Variants in USH2A observed in about 807,000 individuals in gnomAD.
The protein encoded by USH2A is Usher syndrome 2A (autosomal recessive, mild).
Under a neutral mutation model 538.9 loss-of-function variants are expected in USH2A, and 443 were observed. That is an observed-to-expected ratio of 0.82 (90% CI 0.76 to 0.89). The LOEUF is 0.89. USH2A is among the 40% of genes least tolerant of loss of function. The probability of loss-of-function intolerance (pLI) is 0.00; values close to 1 mark genes in which losing one functional copy is unlikely to be tolerated. For synonymous variants in USH2A, 2,413 were observed against 2,273.5 expected, an observed-to-expected ratio of 1.06 and a Z score of -1.75; for missense variants, 6,633 against 6,324.8, an observed-to-expected ratio of 1.05 and a Z score of -1.65.
chr1:215,813,601 G>A, intron 49 of USH2A, 135 bp downstream of exon 49: 1 of 987,562 alleles, frequency 1.0e-6, no homozygotes, highest in South Asian at 1.3e-5. Flanking sequence ...AATATTTAGA[G>A]CAGGCCATTG....
chr1:215,821,036 A>C (rs1237613658), intron 47 of USH2A, among the ~76,000 whole-genome samples: 1 of 151,882 alleles, frequency 6.6e-6, no homozygotes, highest in East Asian at 1.9e-4. Context: ...TGTGAACAGC[A>C]CTGCAATAAA....
intron 21 of USH2A, among the ~76,000 whole-genome samples, chr1:216,126,717 G>A (rs1410340306): frequency 2.0e-5 from 3 of 152,132 alleles, no homozygotes; most frequent in Non-Finnish European, 2.9e-5. Flanking sequence ...TAAAAGCCAC[G>A]TAACATTAAT....
Position 215,647,782 on chromosome 1 carries a change from ACTCT to A in USH2A, c.14583-56_14583-53del, listed in dbSNP as rs1558036644. On this transcript the variant is annotated intron_variant, in intron 66 of 71. Coordinates refer to ENST00000307340, the MANE Select transcript of USH2A (RefSeq NM_206933.4). ...CAAGACGGGTAATGGAATTAGTTTA[ACTCT>A]CTCTTTTAAAACCAGTTCTATTTTG... 4 of 1,595,454 alleles carry A rather than the reference ACTCT, an allele frequency of 2.5e-6. No homozygotes were observed. The Admixed American group carries it at 6.7e-5, about 27-fold the overall frequency.
At chr1:215,630,883 G>C (rs1032341648) in intron 70 of USH2A, among the ~76,000 whole-genome samples, 4 of 151,516 alleles carry the variant, frequency 2.6e-5, no homozygotes, top group Admixed American at 2.6e-4. Context: ...AAAAACCTTG[G>C]TGAGTGGAAA....
chr1:215,813,504 C>T (rs1018721130), intron 49 of USH2A, among the ~76,000 whole-genome samples: 4 of 152,164 alleles, frequency 2.6e-5, no homozygotes, highest in African/African-American at 9.7e-5. Flanking sequence ...TTATTTCTTT[C>T]TGTAGTAGAT....
intron 54 of USH2A, 145 bp from the exon 55 acceptor site, chr1:215,780,186 A>AT (rs967303192): frequency 7.2e-5 from 65 of 903,982 alleles, no homozygotes; most frequent in Non-Finnish European, 9.9e-5. Context: ...CTTTTTTTTC[A>AT]TTTTTTTCCC....
At chr1:216,107,844 C>T (rs972661077) in intron 21 of USH2A, among the ~76,000 whole-genome samples, 1 of 151,676 alleles carries the variant, frequency 6.6e-6, no homozygotes, top group Non-Finnish European at 1.5e-5. Context: ...TCATCATATG[C>T]ATTCTTAACA....
intron 4 of USH2A, among the ~76,000 whole-genome samples, chr1:216,332,773 T>C (rs1164086099): frequency 6.6e-6 from 1 of 152,100 alleles, no homozygotes; most frequent in African/African-American, 2.4e-5. Flanking sequence ...GAAACAGACT[T>C]CACAGAATTA....
rs2032523895 is a variant in USH2A at position 216,099,424 on chromosome 1, T to C, written c.4628-2211A>G. Among the ~76,000 whole-genome samples the C allele has an allele frequency of 2.6e-5, 4 of 152,154 alleles. No individual in the cohort carries two copies. The South Asian group carries it at 8.3e-4, about 32-fold the overall frequency. ...GTTCTCTCTCATCTCCCCTATTAAGTGCACTGAAATGATTGAGCCACCCAT... is the reference window on the plus strand; with the variant it reads ...GTTCTCTCTCATCTCCCCTATTAAGCGCACTGAAATGATTGAGCCACCCAT... On this transcript the variant is annotated intron_variant, in intron 21 of 71. Coordinates refer to ENST00000307340, the MANE Select transcript of USH2A (RefSeq NM_206933.4).
chr1:216,190,170 G>GT (rs1217860455), intron 20 of USH2A, 53 bp downstream of exon 20: 24 of 1,605,622 alleles, frequency 1.5e-5, no homozygotes, highest in East Asian at 6.7e-5. Context: ...AATATTATAA[G>GT]TTTTTTTTCT....
intron 35 of USH2A, among the ~76,000 whole-genome samples, chr1:215,986,422 CA>C (rs1667876641): frequency 6.7e-6 from 1 of 150,034 alleles, no homozygotes; most frequent in South Asian, 2.1e-4. Flanking sequence ...GCTGGGATTA[CA>C]GGGGTGAGCC....
chr1:216,373,128 C>A (rs1160256824), intron 3 of USH2A, among the ~76,000 whole-genome samples: 1 of 152,084 alleles, frequency 6.6e-6, no homozygotes, highest in African/African-American at 2.4e-5. Context: ...ATGAAACAAG[C>A]ACATTATGAT....
chr1:216,116,040 T>C lies in USH2A; in HGVS notation c.4628-18827A>G, dbSNP rs553788058. ...AAAATGTTAGTACTAATTGTAGTTATAAAAATATTTTTAATACAAATGAAT... is the reference window on the plus strand; with the variant it reads ...AAAATGTTAGTACTAATTGTAGTTACAAAAATATTTTTAATACAAATGAAT... On this transcript the variant is annotated intron_variant, in intron 21 of 71. Transcript: ENST00000307340. Among the ~76,000 whole-genome samples the C allele has an allele frequency of 4.0e-5, 6 of 151,790 alleles. No individual in the cohort carries two copies. In the South Asian group the frequency reaches 1.0e-3, roughly 26 times the overall value.
At chr1:216,077,464 A>T (rs181229191) in intron 27 of USH2A, among the ~76,000 whole-genome samples, 1 of 151,618 alleles carries the variant, frequency 6.6e-6, no homozygotes, top group Admixed American at 6.6e-5. Context: ...AATTGCATTG[A>T]TATTTTTTAC....
At chr1:216,152,979 G>A (rs2033869307) in intron 21 of USH2A, among the ~76,000 whole-genome samples, 1 of 152,148 alleles carries the variant, frequency 6.6e-6, no homozygotes, top group Non-Finnish European at 1.5e-5. Flanking sequence ...AAGAAAAGGA[G>A]CATCTGAACA....
chr1:216,078,561 T>C (rs1295274644), intron 26 of USH2A, among the ~76,000 whole-genome samples, 199 bp from the exon 27 acceptor site: 1 of 152,152 alleles, frequency 6.6e-6, no homozygotes, highest in African/African-American at 2.4e-5. Flanking sequence ...ACATGAAGAA[T>C]GTTGTATTGA....
intron 3 of USH2A, among the ~76,000 whole-genome samples, chr1:216,415,063 G>A (rs2102778662): frequency 6.6e-6 from 1 of 152,040 alleles, no homozygotes; most frequent in Middle Eastern, 3.4e-3. Context: ...ATGTTTTTAT[G>A]TAAATGCCAA....
chr1:215,944,310 T>C (rs916530689), intron 37 of USH2A, among the ~76,000 whole-genome samples: 1 of 152,154 alleles, frequency 6.6e-6, no homozygotes. Context: ...TCTATCCCTT[T>C]ATAGAAAAGA....
chr1:216,246,917 C>T lies in USH2A; in HGVS notation c.2477G>A (p.Cys826Tyr). The T allele has an allele frequency of 6.2e-7, 1 of 1,614,144 alleles. No homozygotes were observed. Among genetic ancestry groups the T allele is most frequent in the Non-Finnish European group, 8.5e-7 (1 of 1,180,000 alleles). ...ICKPNVEGRQCNKCLEGNFYL... is the reference protein window; with the variant it reads ...ICKPNVEGRQYNKCLEGNFYL... ...GAAGTTTCCCTCCAAACATTTATTG[C>T]ACTGTCTCCCTTCAACATTGGGCTT... Residue 826 changes from cysteine (C) to tyrosine (Y), a missense_variant, in exon 13 of 72, where the codon TGC (cysteine) becomes TAC (tyrosine). By Grantham distance (194) the Cys-to-Tyr change is radical. Transcript: ENST00000307340.
Sources: allele counts gnomAD v4.1 joint callset (sites outside exome capture counted in the v4.1 genomes callset), GRCh38; gene constraint gnomAD v4.1.1; transcripts MANE v1.5; gene names NCBI Gene and HGNC (gene_info 2026-07-23, HGNC 2026-07-21).